OTULIN: variants seen among roughly 807,000 people sequenced by gnomAD.
The protein encoded by OTULIN is OTU deubiquitinase with linear linkage specificity, also known as ubiquitin thioesterase otulin.
Under a neutral mutation model 39.6 loss-of-function variants are expected in OTULIN, and 15 were observed. The ratio of observed to expected loss-of-function variants is 0.38; its 90% confidence interval spans 0.25 to 0.58. The LOEUF (loss-of-function observed/expected upper bound fraction) is 0.58, where lower values mean the gene tolerates loss of function less well. Ranked by LOEUF, OTULIN falls within the 20% of genes least tolerant of loss-of-function variation. The pLI is 0.66. For missense variants in OTULIN, 319 were observed against 445.9 expected, an observed-to-expected ratio of 0.72 and a Z score of 2.56; for synonymous variants, 156 against 170.3, an observed-to-expected ratio of 0.92 and a Z score of 0.65.
the OTULIN span, among the ~76,000 whole-genome samples, chr5:14,712,518 A>C: frequency 6.6e-6 from 1 of 152,152 alleles, no homozygotes; most frequent in Admixed American, 6.5e-5. Context: ...CATTGGTATC[A>C]CTGTCCCCTC....
the OTULIN span, among the ~76,000 whole-genome samples, chr5:14,715,124 G>C: frequency 2.6e-5 from 4 of 152,328 alleles, no homozygotes; most frequent in East Asian, 7.7e-4. Context: ...GGGCTCCATG[G>C]CTCCTTTCTT....
chr5:14,703,573 A>G (rs1736855570), downstream of OTULIN, among the ~76,000 whole-genome samples: 1 of 152,092 alleles, frequency 6.6e-6, no homozygotes. Flanking sequence ...CTAGATGGAG[A>G]TGTCAGGGGA....
At chr5:14,706,013 G>A in the OTULIN span, 2 of 152,148 alleles carry the variant, frequency 1.3e-5, no homozygotes, top group African/African-American at 4.8e-5. Flanking sequence ...ATTTCCATGA[G>A]GTTGTACAGT....
chr5:14,679,151 G>A (rs1418288458), intron 3 of OTULIN, among the ~76,000 whole-genome samples: 1 of 152,180 alleles, frequency 6.6e-6, no homozygotes, highest in Admixed American at 6.5e-5. Context: ...GCTTTCCACA[G>A]CACATTGAGT....
rs940851391 is a variant in OTULIN, at chr5:14,694,368, G to A, written c.*1320G>A. ...ATGGCCTGAATTGTCCTCAAGGGGT[G>A]TGGACTGCAGATGGTGTTCACATGA... On this transcript the variant is annotated 3_prime_UTR_variant, in exon 7 of 7. Coordinates refer to ENST00000284274, the MANE Select transcript of OTULIN (RefSeq NM_138348.6). 1.3e-5 allele frequency: 2 copies of A among 152,236 alleles called. No individual in the cohort carries two copies. Among genetic ancestry groups the A allele is most frequent in the Non-Finnish European group, 2.9e-5 (2 of 68,064 alleles). 9.4% of individuals were successfully genotyped at this position (152,236 alleles called of 1,614,324 possible). A position where few individuals can be genotyped will look rare whatever the true frequency, so the allele number is the denominator to read the frequency against.
chr5:14,672,367 C>T (rs568311014), intron 1 of OTULIN, among the ~76,000 whole-genome samples: 2 of 152,118 alleles, frequency 1.3e-5, no homozygotes, highest in African/African-American at 4.8e-5. Flanking sequence ...GTCTGGCCCT[C>T]CCAGTACCCC....
chr5:14,713,458 T>TC, the OTULIN span: 4 of 1,556,796 alleles, frequency 2.6e-6, no homozygotes, highest in Non-Finnish European at 3.5e-6. The surrounding 1 kb of genome is among the most constrained non-coding windows in gnomAD (Gnocchi z 4.4). Context: ...CCTGGGGATT[T>TC]CCCCTGAAAA....
chr5:14,672,188 T>C (rs1024756223), intron 1 of OTULIN, among the ~76,000 whole-genome samples: 3 of 152,246 alleles, frequency 2.0e-5, no homozygotes, highest in African/African-American at 7.2e-5. Context: ...CACAGATGTA[T>C]GGGCACATGA....
downstream of OTULIN, among the ~76,000 whole-genome samples, chr5:14,703,021 CT>C (rs1736829090): frequency 6.6e-6 from 1 of 152,098 alleles, no homozygotes. Context: ...TCTGCAAATC[CT>C]GGTGGTGCAG....
intron 4 of OTULIN, among the ~76,000 whole-genome samples, chr5:14,686,512 G>A (rs1001262640): frequency 6.6e-6 from 1 of 151,914 alleles, no homozygotes; most frequent in Non-Finnish European, 1.5e-5. Context: ...TTGCTATGTT[G>A]CCTGTACTGG....
chr5:14,686,487 T>A lies in OTULIN; in HGVS notation c.469-1034T>A, dbSNP rs921973474. Among the ~76,000 whole-genome samples, 4 of 152,104 alleles carry A rather than the reference T, an allele frequency of 2.6e-5. No homozygotes were observed. The East Asian group carries it at 5.8e-4, about 22-fold the overall frequency. On this transcript the variant is annotated intron_variant, in intron 4 of 6. Coordinates refer to ENST00000284274, the MANE Select transcript of OTULIN (RefSeq NM_138348.6). ...AGTGAATTTTTAAACTTTTTTTTTT[T>A]ATAGAAATGGGGTCTTGCTATGTTG...
intron 4 of OTULIN, among the ~76,000 whole-genome samples, chr5:14,683,593 A>T (rs1736311702): frequency 6.6e-6 from 1 of 151,564 alleles, no homozygotes; most frequent in African/African-American, 2.4e-5. Context: ...GGTGGTGTAT[A>T]CCTATGTTCT....
intron 2 of OTULIN, among the ~76,000 whole-genome samples, chr5:14,675,346 C>T (rs940481601): frequency 2.6e-5 from 4 of 152,202 alleles, no homozygotes; most frequent in Non-Finnish European, 4.4e-5. Context: ...ACAAATGATA[C>T]ACAGTGTGGT....
chr5:14,706,332 A>G, the OTULIN span: 1 of 152,218 alleles, frequency 6.6e-6, no homozygotes, highest in Non-Finnish European at 1.5e-5. Context: ...GAAAAACATT[A>G]TCACTAAAAT....
At chr5:14,688,460 C>T (rs1736442479) in intron 5 of OTULIN, among the ~76,000 whole-genome samples, 1 of 152,198 alleles carries the variant, frequency 6.6e-6, no homozygotes, top group South Asian at 2.1e-4. Flanking sequence ...CTTTCAGCTC[C>T]ACGAGAGACT....
chr5:14,708,464 G>T, the OTULIN span: 1 of 152,222 alleles, frequency 6.6e-6, no homozygotes, highest in Non-Finnish European at 1.5e-5. Context: ...TGTTTTGGGG[G>T]AATGTTTCTT....
At chr5:14,704,329 CAA>C (rs1194771023), downstream of OTULIN, among the ~76,000 whole-genome samples, 29 of 65,512 alleles carry the variant, frequency 4.4e-4, no homozygotes, top group African/African-American at 6.7e-4. Context: ...GACTCCGTCT[CAA>C]AAAAAAAAAA....
chr5:14,692,828 G>A, intron 6 of OTULIN, 26 bp from the exon 7 acceptor site: 6 of 1,608,208 alleles, frequency 3.7e-6, no homozygotes, highest in Non-Finnish European at 5.1e-6. Flanking sequence ...ATCTTCCTCA[G>A]AATACCCGTT....
Position 14,681,497 on chromosome 5 carries a change from A to G in OTULIN, c.358A>G (p.Ile120Val). 1 of 1,613,800 alleles carries G rather than the reference A, an allele frequency of 6.2e-7. No individual in the cohort carries two copies. Among genetic ancestry groups the G allele is most frequent in the Non-Finnish European group, 8.5e-7 (1 of 1,179,948 alleles). The change falls in exon 4 of 7, where the codon ATA becomes GTA. Residue 120 changes from isoleucine (I) to valine (V), a missense_variant. By Grantham distance (29) the Ile-to-Val change is conservative. Transcript: ENST00000284274. ...YEEVSQKFTS[I>V]RRVRGDNYCA... Reference sequence around the variant, plus strand: ...AGAGGTTTCTCAGAAGTTCACCTCCATACGGCGAGTCCGTGGTGATAATTA... The same window carrying G: ...AGAGGTTTCTCAGAAGTTCACCTCCGTACGGCGAGTCCGTGGTGATAATTA...
Sources: allele counts gnomAD v4.1 joint callset (sites outside exome capture counted in the v4.1 genomes callset), GRCh38; gene constraint gnomAD v4.1.1; non-coding constraint Gnocchi (gnomAD v3.1); transcripts MANE v1.5; gene names NCBI Gene and HGNC (gene_info 2026-07-23, HGNC 2026-07-21).